Variants in LARGE1 observed in about 807,000 individuals in gnomAD.
LARGE1 encodes the protein xylosyl- and glucuronyltransferase LARGE1.
LARGE1 carries 43 observed loss-of-function variants against 87.6 expected under a neutral mutation model. The ratio of observed to expected loss-of-function variants is 0.49; its 90% CI spans 0.38 to 0.63. LARGE1 has a LOEUF of 0.63. LARGE1 is among the 30% of genes least tolerant of loss of function. The pLI, the probability that LARGE1 is intolerant of heterozygous loss-of-function variation, is 0.00. For missense variants in LARGE1, 802 were observed against 1,000.2 expected (o/e 0.80, Z 2.67); for synonymous variants, 434 against 394.6 (o/e 1.10, Z -1.18).
At chr22:33,347,152 TA>T (rs149461955) in intron 9 of LARGE1, among the ~76,000 whole-genome samples, 2,746 of 152,362 alleles carry the variant, frequency 0.018, 101 homozygotes, top group African/African-American at 0.063. Flanking sequence ...ATTCTCATTG[TA>T]AGCATTCCTA....
chr22:33,277,529 G>A (rs892367820), intron 13 of LARGE1, among the ~76,000 whole-genome samples: 2 of 152,204 alleles, frequency 1.3e-5, no homozygotes, highest in Non-Finnish European at 2.9e-5. Flanking sequence ...ATAAGAAGGG[G>A]AAAATTTAGA....
At position 33,555,746 on chromosome 22, in the gene LARGE1, T is replaced by C. The variant is rs933504978; in HGVS notation, c.787+9102A>G. 5.3e-5 allele frequency among the ~76,000 whole-genome samples: 8 copies of C among 151,562 alleles called. No homozygotes were observed. In the East Asian group the frequency reaches 9.8e-4, roughly 19 times the overall value. On this transcript the variant is annotated intron_variant, in intron 6 of 14. Transcript: ENST00000397394. ...GATTTTGAGACCAGCCTGGCCAACA[T>C]GGTGAAACCCCATCTCTACTAAAAC...
At chr22:33,642,370 G>C (rs924181713) in intron 3 of LARGE1, among the ~76,000 whole-genome samples, 1 of 152,048 alleles carries the variant, frequency 6.6e-6, no homozygotes, top group Non-Finnish European at 1.5e-5. Flanking sequence ...TGCCTTATAA[G>C]AGCTTCTGAA....
At chr22:33,723,501 G>T (rs16992883) in intron 2 of LARGE1, among the ~76,000 whole-genome samples, 5,331 of 152,238 alleles carry the variant, frequency 0.035, 111 homozygotes, top group African/African-American at 0.053. Flanking sequence ...GAATGAAAAA[G>T]GTGCTTGCTG....
At chr22:33,533,975 C>G (rs1425017675) in intron 6 of LARGE1, among the ~76,000 whole-genome samples, 3 of 149,854 alleles carry the variant, frequency 2.0e-5, no homozygotes, top group Non-Finnish European at 4.4e-5. Context: ...TTTGTCAAAA[C>G]TAACCTGACT....
chr22:33,848,837 C>A (rs1050424096), intron 1 of LARGE1, among the ~76,000 whole-genome samples: 2 of 152,182 alleles, frequency 1.3e-5, no homozygotes, highest in Admixed American at 6.5e-5. Flanking sequence ...TCCCGAGATG[C>A]CTCTTCGGGT....
intron 1 of LARGE1, among the ~76,000 whole-genome samples, chr22:33,833,775 C>T (rs1349968233): frequency 6.6e-6 from 1 of 152,202 alleles, no homozygotes; most frequent in Non-Finnish European, 1.5e-5. Flanking sequence ...GCAACCTCTG[C>T]CTCCTGGGTT....
the LARGE1 span, among the ~76,000 whole-genome samples, chr22:33,124,589 T>TATCTCACC: frequency 6.6e-6 from 1 of 152,174 alleles, no homozygotes; most frequent in Non-Finnish European, 1.5e-5. Context: ...CATCTCTCAC[T>TATCTCACC]ATCTCACCAA....
At chr22:33,496,570 C>T (rs2070129422) in intron 6 of LARGE1, among the ~76,000 whole-genome samples, 1 of 152,142 alleles carries the variant, frequency 6.6e-6, no homozygotes, top group African/African-American at 2.4e-5. Context: ...GCCTCCAGAA[C>T]TGTGAGAAAT....
intron 11 of LARGE1, among the ~76,000 whole-genome samples, chr22:33,309,170 CTTT>C (rs560481122): frequency 2.1e-5 from 3 of 140,324 alleles, no homozygotes; most frequent in Non-Finnish European, 3.1e-5. Context: ...AGATTCGTGC[CTTT>C]TTTTTTTTTT....
At chr22:33,738,543 C>A (rs1017795833) in intron 2 of LARGE1, among the ~76,000 whole-genome samples, 2 of 152,182 alleles carry the variant, frequency 1.3e-5, no homozygotes, top group Non-Finnish European at 1.5e-5. Context: ...CATCCCTCAG[C>A]CTCCTGGTTG....
intron 11 of LARGE1, among the ~76,000 whole-genome samples, chr22:33,167,451 G>C (rs1219630077): frequency 1.3e-5 from 2 of 152,168 alleles, no homozygotes; most frequent in Non-Finnish European, 2.9e-5. Context: ...TTAGAGCAAG[G>C]GGCAAGGGTA....
chr22:33,708,079 C>T (rs1303001126), intron 2 of LARGE1, among the ~76,000 whole-genome samples: 1 of 152,114 alleles, frequency 6.6e-6, no homozygotes, highest in Admixed American at 6.5e-5. Flanking sequence ...CCAGAAGGAC[C>T]CTTAGGGAAA....
intron 11 of LARGE1, among the ~76,000 whole-genome samples, chr22:33,255,961 C>A (rs1489533615): frequency 6.6e-6 from 1 of 152,178 alleles, no homozygotes; most frequent in Non-Finnish European, 1.5e-5. Context: ...GGTTTCCTCT[C>A]TTCACCCCCT....
intron 5 of LARGE1, among the ~76,000 whole-genome samples, chr22:33,579,359 C>A (rs978020761): frequency 6.6e-6 from 1 of 152,192 alleles, no homozygotes; most frequent in Non-Finnish European, 1.5e-5. Context: ...CCCAGCCACG[C>A]GGAATTTTAA....
chr22:33,640,736 G>A lies in LARGE1; in HGVS notation c.408+9631C>T, dbSNP rs146578981. ...AGTCTGAAGTCTAGCTGGGATGATT[G>A]AGCTTGGTGGAGAAAGGGGCGTCCA... On this transcript the variant is annotated intron_variant, in intron 3 of 14. Transcript: ENST00000397394. Among the ~76,000 whole-genome samples, 275 of 152,238 alleles carry A rather than the reference G, an allele frequency of 1.8e-3. 1 individual carries two copies. The highest frequency in any genetic ancestry group is 6.3e-3 in the African/African-American group (261 of 41,556).
rs546113617 is a variant in LARGE1, at chr22:33,458,441, A to T, written c.788-26176T>A. 4.2e-4 allele frequency among the ~76,000 whole-genome samples: 59 copies of T among 139,318 alleles called. 1 individual carries two copies. In the Middle Eastern group the frequency reaches 0.014, roughly 34 times the overall value. 91.4% of individuals were successfully genotyped at this position (139,318 alleles called of 152,430 possible). Reference sequence around the variant, plus strand: ...TTTTACTGTTATTTTTTATTTTTTTATTTTTTTAAGACAGAGTTTTGCTCT... The same window carrying T: ...TTTTACTGTTATTTTTTATTTTTTTTTTTTTTTAAGACAGAGTTTTGCTCT... On this transcript the variant is annotated intron_variant, in intron 6 of 14. Transcript: ENST00000397394.
rs754666141 is a variant in LARGE1 at position 33,381,909 on chromosome 22, T to A, written c.1131+10A>T. The A allele has an allele frequency of 6.2e-7, 1 of 1,613,968 alleles. No individual in the cohort carries two copies. The highest frequency in any genetic ancestry group is 8.5e-7 in the Non-Finnish European group (1 of 1,179,976). On this transcript the variant is annotated intron_variant, in intron 9 of 14. Coordinates refer to ENST00000397394, the MANE Select transcript of LARGE1 (RefSeq NM_133642.5). ...CCCTACCTCCAGGGATGTCCCTGTG[T>A]TGACCCTACCTTTAGATCAGACACG...
chr22:33,781,417 C>T (rs973969109), intron 1 of LARGE1, among the ~76,000 whole-genome samples: 1 of 152,124 alleles, frequency 6.6e-6, no homozygotes, highest in Non-Finnish European at 1.5e-5. Context: ...AGGAGAATCA[C>T]CTGAACCTGG....
Sources: allele counts gnomAD v4.1 joint callset (sites outside exome capture counted in the v4.1 genomes callset), GRCh38; gene constraint gnomAD v4.1.1; transcripts MANE v1.5; gene names NCBI Gene and HGNC (gene_info 2026-07-23, HGNC 2026-07-21).